Variants in FGFR1 observed in about 807,000 individuals in gnomAD.
The protein encoded by FGFR1 is FGFR1/PLAG1 fusion.
FGFR1 carries 18 observed loss-of-function variants against 93.7 expected under a neutral mutation model. The ratio of observed to expected loss-of-function variants is 0.19; its 90% CI spans 0.13 to 0.28. FGFR1 has a LOEUF of 0.28. Ranked by LOEUF, FGFR1 falls within the 10% of genes least tolerant of loss-of-function variation. FGFR1 has a pLI of 1.00. For synonymous variants in FGFR1, 448 were observed against 429.3 expected (o/e 1.04, Z -0.54); for missense variants, 731 against 1,080.4 (o/e 0.68, Z 4.53).
chr8:38,453,758 G>A (rs1292079447), intron 2 of FGFR1, among the ~76,000 whole-genome samples: 2 of 152,136 alleles, frequency 1.3e-5, no homozygotes, highest in African/African-American at 4.8e-5. Flanking sequence ...CAGGCATAGT[G>A]GTGAGCACCT....
chr8:38,466,855 T>C (rs1835636013), intron 1 of FGFR1, among the ~76,000 whole-genome samples: 1 of 149,156 alleles, frequency 6.7e-6, no homozygotes, highest in African/African-American at 2.5e-5. Context: ...AAAGGGTTGA[T>C]AGCTTCTGGG....
At chr8:38,422,840 C>T (rs1199582168) in intron 7 of FGFR1, 6 of 577,728 alleles carry the variant, frequency 1.0e-5, no homozygotes, top group Non-Finnish European at 1.8e-5. Context: ...AGAGAGGGAA[C>T]CCACAGACAC....
At chr8:38,457,254 C>G (rs1261844934) in intron 2 of FGFR1, 102 bp downstream of exon 2, 1 of 1,314,840 alleles carries the variant, frequency 7.6e-7, no homozygotes, top group Non-Finnish European at 1.1e-6. Flanking sequence ...TGGGAAGGAG[C>G]CTTCCCTGTT....
chr8:38,437,042 G>A (rs1313600101), intron 2 of FGFR1, among the ~76,000 whole-genome samples: 1 of 152,072 alleles, frequency 6.6e-6, no homozygotes, highest in Non-Finnish European at 1.5e-5. Context: ...CACCACGCCC[G>A]GCTAATTTTG....
chr8:38,418,142 CAGA>C, intron 10 of FGFR1, 83 bp downstream of exon 10: 2 of 1,602,366 alleles, frequency 1.2e-6, no homozygotes, highest in Non-Finnish European at 1.7e-6. Context: ...CTTCACCGCC[CAGA>C]AGGTGTTAGT....
At chr8:38,418,652 T>C (rs960130202) in intron 9 of FGFR1, 13 of 496,998 alleles carry the variant, frequency 2.6e-5, no homozygotes, top group African/African-American at 7.7e-5. Context: ...TAACTGATCA[T>C]TGCAGTAACA....
intron 2 of FGFR1, 101 bp from the exon 3 acceptor site, chr8:38,430,049 G>T: frequency 1.7e-6 from 2 of 1,198,874 alleles, no homozygotes; most frequent in Non-Finnish European, 2.3e-6. Flanking sequence ...CTGGCCACAC[G>T]GAGCCGCACC....
rs1271900748 is a variant in FGFR1, at chr8:38,424,638, C to G, written c.807G>C (p.Leu269=). 5 of 1,613,316 alleles carry G rather than the reference C, an allele frequency of 3.1e-6. No individual in the cohort carries two copies. The East Asian group carries it at 1.1e-4, about 36-fold the overall frequency. Residue 269 remains leucine (L), a synonymous_variant, in exon 7 of 18, where the codon CTG becomes CTC. Coordinates refer to ENST00000447712, the MANE Select transcript of FGFR1 (RefSeq NM_023110.3). The surrounding 1 kb of genome is among the most constrained non-coding windows in gnomAD (Gnocchi z 4.3). The part of the protein sequence containing the change: ...AGLPANKTVA[L]GSNVEFMCKV... ...TACACATGAACTCCACGTTGCTACC[C>G]AGGGCCACTGTTTTGTTGGCGGGCA...
chr8:38,424,527 A>T lies in FGFR1; in HGVS notation c.918T>A (p.Pro306=), dbSNP rs1490366281. The T allele has an allele frequency of 2.5e-6, 4 of 1,614,036 alleles. No individual in the cohort carries two copies. In the South Asian group the frequency reaches 3.3e-5, roughly 13 times the overall value. ...NGSKIGPDNL[P]YVQILKTAGV... is the part of the protein sequence containing the mutation. Reference sequence around the variant, plus strand: ...TGATTACCTTCAAGATCTGGACATAAGGCAGGTTGTCTGGGCCAATCTTGC... The same window carrying T: ...TGATTACCTTCAAGATCTGGACATATGGCAGGTTGTCTGGGCCAATCTTGC... The change falls in exon 7 of 18, where the codon CCT becomes CCA. Residue 306 remains proline (P), a synonymous_variant. Transcript: ENST00000447712. This position sits in a 1 kb window ranked among gnomAD's most constrained non-coding sequence, Gnocchi z 4.3.
intron 2 of FGFR1, among the ~76,000 whole-genome samples, chr8:38,433,562 G>C (rs149824149): frequency 6.6e-6 from 1 of 152,050 alleles, no homozygotes; most frequent in Non-Finnish European, 1.5e-5. Flanking sequence ...TGCCCGCCTC[G>C]GTCCTTGCAT....
chr8:38,458,214 T>G (rs1006331272), intron 1 of FGFR1, among the ~76,000 whole-genome samples: 2 of 152,090 alleles, frequency 1.3e-5, no homozygotes, highest in Non-Finnish European at 2.9e-5. Context: ...TGCAGGAGGT[T>G]TGAGCATGCT....
At chr8:38,440,166 AT>A in intron 2 of FGFR1, 1 of 696,572 alleles carries the variant, frequency 1.4e-6, no homozygotes, top group African/African-American at 1.8e-5. Flanking sequence ...TGAGGGGGCA[AT>A]TGTGGGTGGG....
chr8:38,444,293 C>T (rs536995495), intron 2 of FGFR1, among the ~76,000 whole-genome samples: 13 of 152,222 alleles, frequency 8.5e-5, no homozygotes, highest in African/African-American at 2.9e-4. Flanking sequence ...ATCCATACCC[C>T]ACACATTCAT....
chr8:38,429,726 C>T lies in FGFR1; in HGVS notation c.314G>A (p.Ser105Asn), dbSNP rs1325974579. The stretch of plus-strand genomic sequence containing the variant: ...GTAGGTGGTGTCACTGCCCGAGGGG[C>T]TGCTGGTTACGCAAGCATAGAGGCC... Reference protein sequence around the residue: ...DSGLYACVTSSPSGSDTTYFS... With the variant: ...DSGLYACVTSNPSGSDTTYFS... Residue 105 changes from serine to asparagine, a missense_variant, in exon 3 of 18, where the codon AGC becomes AAC. This residue lies in a region of FGFR1 where 212 missense variants were observed against 205.8 expected (regional missense o/e 1.03). Coordinates refer to ENST00000447712, the MANE Select transcript of FGFR1 (RefSeq NM_023110.3). The surrounding 1 kb of genome is among the most constrained non-coding windows in gnomAD (Gnocchi z 4.4). The T allele has an allele frequency of 1.9e-6, 3 of 1,579,698 alleles. No individual in the cohort carries two copies. The highest frequency in any genetic ancestry group is 2.6e-6 in the Non-Finnish European group (3 of 1,162,444).
intron 2 of FGFR1, among the ~76,000 whole-genome samples, chr8:38,436,202 C>T (rs1825353522): frequency 1.3e-5 from 2 of 152,078 alleles, no homozygotes; most frequent in Non-Finnish European, 2.9e-5. Context: ...TAGTGAGACC[C>T]TGTCTCTGCG....
chr8:38,452,208 C>G (rs768794704), intron 2 of FGFR1, among the ~76,000 whole-genome samples: 90 of 42,598 alleles, frequency 2.1e-3, no homozygotes, highest in South Asian at 0.015. Context: ...CAGACACACA[C>G]ACACACACAC....
At chr8:38,415,500 A>C in intron 13 of FGFR1, among the ~76,000 whole-genome samples, 1 of 151,078 alleles carries the variant, frequency 6.6e-6, no homozygotes, top group African/African-American at 2.4e-5. Context: ...CGGGGTTTCA[A>C]TATATTGCCC....
At chr8:38,460,651 T>C (rs890777028) in intron 1 of FGFR1, among the ~76,000 whole-genome samples, 78 of 152,126 alleles carry the variant, frequency 5.1e-4, no homozygotes, top group Non-Finnish European at 1.5e-4. Context: ...CCTACCCCTC[T>C]GGCCCTCAAG....
intron 12 of FGFR1, among the ~76,000 whole-genome samples, chr8:38,416,813 C>T (rs763856464): frequency 1.3e-5 from 2 of 152,078 alleles, no homozygotes; most frequent in Non-Finnish European, 2.9e-5. Flanking sequence ...AGTACAATGG[C>T]GTGATCTTGG....
Sources: allele counts gnomAD v4.1 joint callset (sites outside exome capture counted in the v4.1 genomes callset), GRCh38; gene constraint gnomAD v4.1.1; regional missense constraint gnomAD v4.1.1; non-coding constraint Gnocchi (gnomAD v3.1); transcripts MANE v1.5; gene names NCBI Gene and HGNC (gene_info 2026-07-23, HGNC 2026-07-21).